The following TRIM9 variants were observed in gnomAD, a reference collection of about 807,000 sequenced individuals.
TRIM9 encodes tripartite motif containing 9, also known as E3 ubiquitin-protein ligase TRIM9.
Under a neutral mutation model 78.3 loss-of-function variants are expected in TRIM9, and 26 were observed. That is an observed-to-expected ratio of 0.33 (90% confidence interval 0.24 to 0.46). The LOEUF (loss-of-function observed/expected upper bound fraction) is 0.46, where lower values mean the gene tolerates loss of function less well. Ranked by LOEUF, TRIM9 falls within the 20% of genes least tolerant of loss-of-function variation. The probability of loss-of-function intolerance (pLI) is 1.00; values close to 1 mark genes in which losing one functional copy is unlikely to be tolerated. For missense variants in TRIM9, 787 were observed against 1,036.4 expected (o/e 0.76, Z 3.30); for synonymous variants, 398 against 416.5 (o/e 0.96, Z 0.54).
At chr14:51,048,414 T>C (rs2060122053) in intron 1 of TRIM9, among the ~76,000 whole-genome samples, 1 of 152,242 alleles carries the variant, frequency 6.6e-6, no homozygotes, top group Non-Finnish European at 1.5e-5. Flanking sequence ...TGTTTCTTTA[T>C]GCTTTCTTCT....
chr14:51,091,324 G>A (rs1566656753), intron 1 of TRIM9: 1 of 152,114 alleles, frequency 6.6e-6, no homozygotes, highest in African/African-American at 2.4e-5. Flanking sequence ...TTATGCCTGT[G>A]GGAAATACTT....
At chr14:51,073,586 T>C (rs1331014767) in intron 1 of TRIM9, among the ~76,000 whole-genome samples, 5 of 152,164 alleles carry the variant, frequency 3.3e-5, no homozygotes, top group East Asian at 1.9e-4. Flanking sequence ...AATAGAAACA[T>C]AGGCAAAGTT....
chr14:51,030,684 A>G (rs151081210), intron 1 of TRIM9, among the ~76,000 whole-genome samples: 43 of 152,066 alleles, frequency 2.8e-4, no homozygotes, highest in African/African-American at 1.0e-3. Flanking sequence ...AGTATGTAAG[A>G]ATGTGTATGT....
At chr14:51,027,833 A>G (rs972701520) in intron 1 of TRIM9, among the ~76,000 whole-genome samples, 2 of 127,170 alleles carry the variant, frequency 1.6e-5, no homozygotes, top group South Asian at 2.2e-4. Flanking sequence ...TTTAGAACTC[A>G]TATCTTTTTT....
chr14:51,036,381 G>C (rs1216780067), intron 1 of TRIM9, among the ~76,000 whole-genome samples: 1 of 151,946 alleles, frequency 6.6e-6, no homozygotes, highest in Non-Finnish European at 1.5e-5. Context: ...TTTTGTTACT[G>C]TTCATTTTGT....
chr14:51,073,363 G>A (rs2062464687), intron 1 of TRIM9, among the ~76,000 whole-genome samples: 1 of 152,180 alleles, frequency 6.6e-6, no homozygotes, highest in Non-Finnish European at 1.5e-5. Context: ...GTTTATAGCT[G>A]CACTACTCTT....
chr14:51,056,676 T>G (rs1015732482), intron 1 of TRIM9, among the ~76,000 whole-genome samples: 3 of 152,234 alleles, frequency 2.0e-5, no homozygotes, highest in Non-Finnish European at 4.4e-5. Flanking sequence ...AAAACTATTC[T>G]TTTGCTATTC....
chr14:51,039,661 CTGAG>C (rs1422369754), intron 1 of TRIM9, among the ~76,000 whole-genome samples: 6 of 152,094 alleles, frequency 3.9e-5, no homozygotes, highest in Non-Finnish European at 8.8e-5. Context: ...GTCTCTTGAT[CTGAG>C]TGGTGGTTAC....
chr14:51,091,039 T>C (rs1444077466), intron 1 of TRIM9: 1 of 152,234 alleles, frequency 6.6e-6, no homozygotes, highest in Non-Finnish European at 1.5e-5. Flanking sequence ...TTTGGTGTTA[T>C]AATTCTTTTA....
intron 1 of TRIM9, among the ~76,000 whole-genome samples, chr14:51,080,469 AC>A: frequency 6.8e-6 from 1 of 147,458 alleles, no homozygotes; most frequent in Non-Finnish European, 1.5e-5. Flanking sequence ...ACACACACAC[AC>A]ACACACACAC....
rs1210514761 is a variant in TRIM9 at position 51,031,147 on chromosome 14, C to CAAA, written c.823-5790_823-5788dup. On this transcript the variant is annotated intron_variant, in intron 1 of 12. Coordinates refer to ENST00000684578, the MANE Select transcript of TRIM9 (RefSeq NM_001387360.1). The stretch of plus-strand genomic sequence containing the variant: ...TGGGCAACAAGAATGAAACTCTTTC[C>CAAA]AAAAAAAAAAAAAAAAAAGAAAGAA... Among the ~76,000 whole-genome samples the CAAA allele has an allele frequency of 3.3e-3, 332 of 100,394 alleles. 2 individuals carry two copies. Among genetic ancestry groups the CAAA allele is most frequent in the Non-Finnish European group, 4.5e-3 (235 of 52,768 alleles). The allele number at this position is 100,394 out of a possible 152,430, so 65.9% of individuals were successfully genotyped here. A position where few individuals can be genotyped will look rare whatever the true frequency, so the allele number is the denominator to read the frequency against.
At chr14:51,070,325 A>T (rs189236158) in intron 1 of TRIM9, among the ~76,000 whole-genome samples, 2 of 152,322 alleles carry the variant, frequency 1.3e-5, no homozygotes. Context: ...AACATACATA[A>T]AACAAGTTTA....
rs1030981440 is a variant in TRIM9 at position 51,022,867 on chromosome 14, G to A, written c.1009C>T (p.Arg337Cys). The A allele has an allele frequency of 1.5e-5, 25 of 1,613,980 alleles. 1 individual carries two copies. The African/African-American group carries it at 1.9e-4, about 12-fold the overall frequency. Residue 337 changes from arginine to cysteine, a missense_variant, in exon 3 of 13, where the codon CGC becomes TGC. Arg to Cys is a radical substitution (Grantham distance 180). Coordinates refer to ENST00000684578, the MANE Select transcript of TRIM9 (RefSeq NM_001387360.1). Reference sequence around the variant, plus strand: ...TTGTGCTCATGCTCCTTGTTGACGCGGGCCAGCAGCTGGGCTTTTCTTCTG... The same window carrying A: ...TTGTGCTCATGCTCCTTGTTGACGCAGGCCAGCAGCTGGGCTTTTCTTCTG... ...LNRRKAQLLA[R>C]VNKEHEHKLK...
chr14:51,092,196 G>T (rs1002688575), intron 1 of TRIM9, among the ~76,000 whole-genome samples: 31 of 152,274 alleles, frequency 2.0e-4, no homozygotes, highest in African/African-American at 7.5e-4. Context: ...AAAATTAAAT[G>T]TCATTTTCAA....
At chr14:51,059,365 C>G (rs4480710) in intron 1 of TRIM9, among the ~76,000 whole-genome samples, 45,124 of 152,126 alleles carry the variant, frequency 0.3, 7,233 homozygotes, top group African/African-American at 0.41. Context: ...CAGGCCATCC[C>G]TTAAAATATA....
chr14:51,006,712 G>C (rs1461829150), intron 5 of TRIM9, among the ~76,000 whole-genome samples: 2 of 152,168 alleles, frequency 1.3e-5, no homozygotes, highest in East Asian at 3.8e-4. Flanking sequence ...TGGCCTGTTA[G>C]GTTAACTTCA....
chr14:51,011,785 T>C (rs911168746), intron 3 of TRIM9, among the ~76,000 whole-genome samples: 1 of 152,228 alleles, frequency 6.6e-6, no homozygotes, highest in Admixed American at 6.5e-5. Flanking sequence ...TAAAGTACTT[T>C]GACATTTCTT....
At chr14:51,051,490 C>T (rs1214913495) in intron 1 of TRIM9, among the ~76,000 whole-genome samples, 1 of 151,982 alleles carries the variant, frequency 6.6e-6, no homozygotes, top group Admixed American at 6.5e-5. Flanking sequence ...GGCAGTCTTA[C>T]CTCGTAGGCC....
chr14:51,031,166 G>GAAAGA, intron 1 of TRIM9, among the ~76,000 whole-genome samples: 1 of 98,180 alleles, frequency 1.0e-5, no homozygotes, highest in Non-Finnish European at 2.3e-5. Context: ...AAAAAAAAAA[G>GAAAGA]AAAGAAAAGA....
Sources: allele counts gnomAD v4.1 joint callset (sites outside exome capture counted in the v4.1 genomes callset), GRCh38; gene constraint gnomAD v4.1.1; transcripts MANE v1.5; gene names NCBI Gene and HGNC (gene_info 2026-07-23, HGNC 2026-07-21).